Variants in HEATR5B observed in about 807,000 individuals in gnomAD.
The protein encoded by HEATR5B is HEAT repeat-containing protein 5B.
Under a neutral mutation model 224.1 loss-of-function variants are expected in HEATR5B, and 156 were observed. The observed-to-expected ratio is 0.70, with a 90% CI of 0.61 to 0.80. The LOEUF (loss-of-function observed/expected upper bound fraction) is 0.80. Among genes scored for constraint, HEATR5B ranks in the 30% least tolerant of loss-of-function variants. The pLI, the probability that HEATR5B is intolerant of heterozygous loss-of-function variation, is 0.00. For synonymous variants in HEATR5B, 1,027 were observed against 893.0 expected, an observed-to-expected ratio of 1.15 and a Z score of -2.68; for missense variants, 2,323 against 2,535.5, an observed-to-expected ratio of 0.92 and a Z score of 1.80.
intron 24 of HEATR5B, among the ~76,000 whole-genome samples, chr2:37,022,897 G>C (rs1388518604): frequency 6.6e-6 from 1 of 151,514 alleles, no homozygotes; most frequent in East Asian, 1.9e-4. Flanking sequence ...AAATTTACAG[G>C]GTCTGACATC....
chr2:36,994,116 C>A (rs1029155410), intron 33 of HEATR5B, among the ~76,000 whole-genome samples: 1 of 152,050 alleles, frequency 6.6e-6, no homozygotes, highest in African/African-American at 2.4e-5. Context: ...GACTTCATAT[C>A]CTCAGATGGT....
intron 5 of HEATR5B, among the ~76,000 whole-genome samples, 187 bp from the exon 6 acceptor site, chr2:37,072,468 C>T (rs1422248523): frequency 1.3e-5 from 2 of 152,144 alleles, no homozygotes; most frequent in African/African-American, 2.4e-5. Flanking sequence ...ACAAGATGAA[C>T]CCTACAACTG....
At chr2:37,042,010 T>G (rs1669903575) in intron 18 of HEATR5B, among the ~76,000 whole-genome samples, 1 of 152,032 alleles carries the variant, frequency 6.6e-6, no homozygotes, top group Non-Finnish European at 1.5e-5. Context: ...TAATTATGAT[T>G]TGAACCTCTT....
chr2:37,082,069 T>TG, intron 2 of HEATR5B, among the ~76,000 whole-genome samples: 1 of 97,058 alleles, frequency 1.0e-5, no homozygotes, highest in Non-Finnish European at 2.1e-5. Context: ...TTTTTTTTTT[T>TG]TTTTTTTTTT....
intron 7 of HEATR5B, among the ~76,000 whole-genome samples, chr2:37,069,471 T>C (rs1671778225): frequency 6.6e-6 from 1 of 152,214 alleles, no homozygotes; most frequent in Admixed American, 6.5e-5. Context: ...TATTTTGAAA[T>C]TATAATTCCA....
chr2:36,982,438 T>A (rs1045305123), intron 35 of HEATR5B, among the ~76,000 whole-genome samples: 1 of 152,200 alleles, frequency 6.6e-6, no homozygotes, highest in Non-Finnish European at 1.5e-5. Context: ...AACAACTCCA[T>A]CCTGGGATAT....
intron 33 of HEATR5B, among the ~76,000 whole-genome samples, chr2:36,998,770 ATTAT>A (rs564206445): frequency 7.8e-4 from 119 of 152,272 alleles, no homozygotes; most frequent in African/African-American, 2.7e-3. Context: ...ATGAGATGAC[ATTAT>A]TTATGTAAAT....
intron 5 of HEATR5B, among the ~76,000 whole-genome samples, chr2:37,073,484 T>C (rs566110585): frequency 1.3e-5 from 2 of 152,278 alleles, no homozygotes; most frequent in Admixed American, 6.5e-5. Flanking sequence ...CCTCAGGTGA[T>C]CCACCCGTCT....
rs554792086 is a variant in HEATR5B, at chr2:37,020,291, T to C, written c.4035+364A>G. 2.0e-5 allele frequency among the ~76,000 whole-genome samples: 3 copies of C among 152,364 alleles called. No individual in the cohort carries two copies. The East Asian group carries it at 5.8e-4, about 29-fold the overall frequency. On this transcript the variant is annotated intron_variant, in intron 25 of 35. Transcript: ENST00000233099. ...ACTGCTATCTATTTCTAAAAATGCT[T>C]ATGAAGGTTTGCCATATAAAAATAA... is the stretch of plus-strand genomic sequence containing the variant.
chr2:37,072,378 C>CA, intron 5 of HEATR5B, 97 bp from the exon 6 acceptor site: 1 of 739,176 alleles, frequency 1.4e-6, no homozygotes, highest in Non-Finnish European at 2.2e-6. Flanking sequence ...CTGAGATAAC[C>CA]AAAAAACTCG....
chr2:37,019,946 C>T (rs1431160099), intron 25 of HEATR5B, 69 bp from the exon 26 acceptor site: 1 of 1,122,436 alleles, frequency 8.9e-7, no homozygotes, highest in African/African-American at 1.6e-5. Flanking sequence ...CTCTATCACC[C>T]AGGCTGGAGT....
chr2:37,060,918 C>G (rs1439454612), intron 11 of HEATR5B, among the ~76,000 whole-genome samples, 185 bp from the exon 12 acceptor site: 1 of 152,078 alleles, frequency 6.6e-6, no homozygotes, highest in Non-Finnish European at 1.5e-5. Context: ...TTATTTTCAA[C>G]CTTTATTCAC....
In HEATR5B at chr2:36,990,716, C is replaced by T; in HGVS notation, c.5629G>A (p.Gly1877Arg). 4 of 1,612,082 alleles carry T rather than the reference C, an allele frequency of 2.5e-6. No individual in the cohort carries two copies. Among genetic ancestry groups the T allele is most frequent in the Non-Finnish European group, 3.4e-6 (4 of 1,178,804 alleles). The change falls in exon 34 of 36, where the codon GGA (glycine) becomes AGA (arginine). Residue 1877 changes from glycine to arginine, a missense_variant. Physicochemically the swap from Gly to Arg is moderately radical, Grantham distance 125. This residue lies in a region of HEATR5B where 844 missense variants were observed against 812.9 expected (regional missense o/e 1.04). Transcript: ENST00000233099. ...FLWSASNEII[G>R]VQSLQNGCMN... Reference sequence around the variant, plus strand: ...CAGCCATTCTGTAATGACTGGACTCCTATTATTTCATTACTAGCAGACCAC... The same window carrying T: ...CAGCCATTCTGTAATGACTGGACTCTTATTATTTCATTACTAGCAGACCAC...
At position 37,068,915 on chromosome 2, in the gene HEATR5B, C is replaced by A. The variant is rs756612906; in HGVS notation, c.943G>T (p.Val315Leu). The A allele has an allele frequency of 6.2e-7, 1 of 1,613,190 alleles. No homozygotes were observed. The highest frequency in any genetic ancestry group is 1.1e-5 in the South Asian group (1 of 91,010). ...AACCACTGACCACCCAATGTTGTCA[C>A]AAAAACAACATACGCCTGTAAAAAG... Reference protein sequence around the residue: ...VGVTQAYVVFVTTLGGQWLER... With the variant: ...VGVTQAYVVFLTTLGGQWLER... Residue 315 changes from valine (V) to leucine (L), a missense_variant, in exon 8 of 36, where the codon GTG becomes TTG. Transcript: ENST00000233099.
In HEATR5B at chr2:37,075,472, G is replaced by C. The variant is rs764420300; in HGVS notation, c.597+13C>G. 4 of 1,601,030 alleles carry C rather than the reference G, an allele frequency of 2.5e-6. No individual in the cohort carries two copies. The East Asian group carries it at 9.0e-5, about 36-fold the overall frequency. ...GGATAAAGAGCAGTATTCTAAATTG[G>C]TCGAGTACTAACCTTGGCCACTGCA... On this transcript the variant is annotated intron_variant, in intron 5 of 35. Coordinates refer to ENST00000233099, the MANE Select transcript of HEATR5B (RefSeq NM_019024.3).
intron 35 of HEATR5B, among the ~76,000 whole-genome samples, chr2:36,987,979 G>T (rs545663672): frequency 1.9e-3 from 283 of 152,134 alleles, no homozygotes; most frequent in African/African-American, 6.5e-3. Context: ...GGCTGAGGTG[G>T]GAGGATTGTT....
At chr2:37,058,315 C>T in intron 14 of HEATR5B, 136 bp downstream of exon 14, 1 of 609,056 alleles carries the variant, frequency 1.6e-6, no homozygotes. Context: ...GTATCAGCTA[C>T]TCTACATGAA....
In HEATR5B at chr2:37,056,474, C is replaced by T. The variant is rs1393343517; in HGVS notation, c.2365G>A (p.Gly789Ser). Residue 789 changes from glycine (G) to serine (S), a missense_variant, in exon 16 of 36, where the codon GGT (glycine) becomes AGT (serine). This residue lies in a region of HEATR5B where 170 missense variants were observed against 216.7 expected (regional missense o/e 0.78). Coordinates refer to ENST00000233099, the MANE Select transcript of HEATR5B (RefSeq NM_019024.3). The stretch of plus-strand genomic sequence containing the variant: ...TAAGAAACATGAGGAAACACTACAC[C>T]AAAAAGGGCCACAGAAGCATCAATG... ...SVIDASVALF[G>S]VVFPHVSYKH... 1 of 1,609,532 alleles carries T rather than the reference C, an allele frequency of 6.2e-7. No individual in the cohort carries two copies. Among genetic ancestry groups the T allele is most frequent in the Non-Finnish European group, 8.5e-7 (1 of 1,178,272 alleles).
chr2:37,062,907 C>T (rs1253171437), intron 10 of HEATR5B, among the ~76,000 whole-genome samples: 6 of 152,202 alleles, frequency 3.9e-5, no homozygotes, highest in Non-Finnish European at 7.3e-5. Context: ...CCTACCTCAG[C>T]CTCCTGAGTA....
Sources: allele counts gnomAD v4.1 joint callset (sites outside exome capture counted in the v4.1 genomes callset), GRCh38; gene constraint gnomAD v4.1.1; regional missense constraint gnomAD v4.1.1; transcripts MANE v1.5; gene names NCBI Gene and HGNC (gene_info 2026-07-23, HGNC 2026-07-21).